Variants in RAD51D observed in about 807,000 individuals in gnomAD.
RAD51D encodes the protein RAD51 paralog D, also known as DNA repair protein RAD51 homolog 4.
A neutral mutation model predicts 44.1 loss-of-function variants in RAD51D; 38 were observed. That is an observed-to-expected ratio of 0.86 (90% confidence interval 0.67 to 1.13). The LOEUF (loss-of-function observed/expected upper bound fraction) is 1.13. RAD51D is among the 50% of genes most tolerant of loss of function. The pLI is 0.00. For missense variants in RAD51D, 390 were observed against 414.0 expected (o/e 0.94, Z 0.50); for synonymous variants, 141 against 166.6 (o/e 0.85, Z 1.18).
chr17:35,100,016 G>A lies in RAD51D; in HGVS notation c.*937C>T, dbSNP rs143673500. The A allele has an allele frequency of 1.2e-3, 623 of 530,950 alleles. No homozygotes were observed. The highest frequency in any genetic ancestry group is 2.1e-3 in the Non-Finnish European group (564 of 274,206). 32.9% of individuals were successfully genotyped at this position (530,950 alleles called of 1,614,324 possible). A position where few individuals can be genotyped will look rare whatever the true frequency, so the allele number is the denominator to read the frequency against. On this transcript the variant is annotated 3_prime_UTR_variant, in exon 10 of 10. Coordinates refer to ENST00000345365, the MANE Select transcript of RAD51D (RefSeq NM_002878.4). ...CTGCATAAAGGACTAGATTTGCCAT[G>A]TATTATTTACGTCAGCATCAATTTT... is the stretch of plus-strand genomic sequence containing the variant.
At chr17:35,106,633 C>T (rs1356274189) in intron 5 of RAD51D, 152 bp from the exon 6 acceptor site, 2 of 712,908 alleles carry the variant, frequency 2.8e-6, no homozygotes, top group African/African-American at 3.5e-5. Flanking sequence ...ACAGTGGTGG[C>T]TGCCTGGGTG....
chr17:35,113,996 G>T (rs2091707454), intron 3 of RAD51D, among the ~76,000 whole-genome samples: 1 of 152,144 alleles, frequency 6.6e-6, no homozygotes, highest in Admixed American at 6.5e-5. Context: ...GAGTTGGCTG[G>T]ACGCAGTGGC....
At chr17:35,104,542 C>T (rs4796032) in intron 6 of RAD51D, among the ~76,000 whole-genome samples, 151,164 of 152,356 alleles carry the variant, frequency 0.99, 74,996 homozygotes, top group Middle Eastern at 1. Context: ...GTGCACACTA[C>T]GGGTGCTAAT....
At chr17:35,116,959 C>G in intron 3 of RAD51D, 1 of 1,613,848 alleles carries the variant, frequency 6.2e-7, no homozygotes, top group East Asian at 2.2e-5. Flanking sequence ...GCATTCCTGA[C>G]CCCACTCCAC....
chr17:35,102,752 A>C (rs1249846679), intron 8 of RAD51D, among the ~76,000 whole-genome samples: 1 of 152,204 alleles, frequency 6.6e-6, no homozygotes, highest in Non-Finnish European at 1.5e-5. Flanking sequence ...ATTGATGACA[A>C]ATTTGAATCA....
At chr17:35,115,980 A>AGAAAGAAAGAAAGAAAGAAG (rs2091738628) in intron 3 of RAD51D, among the ~76,000 whole-genome samples, 1 of 150,844 alleles carries the variant, frequency 6.6e-6, no homozygotes, top group Non-Finnish European at 1.5e-5. Context: ...AAAGAAAGAA[A>AGAAAGAAAGAAAGAAAGAAG]GAAAGAAAGA....
chr17:35,106,482 C>A lies in RAD51D; in HGVS notation c.481-1G>T. On this transcript the variant is annotated splice_acceptor_variant, in intron 5 of 9. Coordinates refer to ENST00000345365, the MANE Select transcript of RAD51D (RefSeq NM_002878.4). LOFTEE classifies it high-confidence loss of function. ...CCTGGATCCTCCGGAGAGCTTCTGCCTGAAGCGGTGGAAAAGAAAAGCAAG... is the reference window on the plus strand; with the variant it reads ...CCTGGATCCTCCGGAGAGCTTCTGCATGAAGCGGTGGAAAAGAAAAGCAAG... The A allele has an allele frequency of 6.2e-7, 1 of 1,610,608 alleles. No individual in the cohort carries two copies. Among genetic ancestry groups the A allele is most frequent in the South Asian group, 1.1e-5 (1 of 90,412 alleles).
rs866616441 is a variant in RAD51D at position 35,093,783 on chromosome 17, T to A, written c.*7170A>T. The A allele has an allele frequency of 3.0e-4, 46 of 152,186 alleles. No homozygotes were observed. Among genetic ancestry groups the A allele is most frequent in the African/African-American group, 9.9e-4 (41 of 41,446 alleles). The allele number at this position is 152,186 out of a possible 1,614,324, so 9.4% of individuals were successfully genotyped here. ...GTGCAATAGGACAAGAAAAAAATGA[T>A]AGAAAGCATTCAGGATCACTTTGGA... On this transcript the variant is annotated 3_prime_UTR_variant, in exon 10 of 10. Transcript: ENST00000345365.
chr17:35,116,964 C>A, intron 3 of RAD51D: 1 of 1,613,958 alleles, frequency 6.2e-7, no homozygotes, highest in Non-Finnish European at 8.5e-7. Flanking sequence ...CCTGACCCCA[C>A]TCCACGATCT....
intron 3 of RAD51D, among the ~76,000 whole-genome samples, chr17:35,115,982 A>G (rs1209226465): frequency 6.6e-6 from 1 of 151,110 alleles, no homozygotes; most frequent in Non-Finnish European, 1.5e-5. Flanking sequence ...AGAAAGAAAG[A>G]AAGAAAGAAA....
chr17:35,115,929 A>AAGG (rs1231414188), intron 3 of RAD51D, among the ~76,000 whole-genome samples: 4 of 117,024 alleles, frequency 3.4e-5, no homozygotes, highest in African/African-American at 1.1e-4. Context: ...GGAAGGAAGG[A>AAGG]AGGAAGGAAG....
intron 8 of RAD51D, among the ~76,000 whole-genome samples, chr17:35,102,148 G>T (rs1380009044): frequency 6.6e-6 from 1 of 151,958 alleles, no homozygotes; most frequent in Non-Finnish European, 1.5e-5. Context: ...CATAGGAAAT[G>T]GACTCAGATG....
chr17:35,106,912 A>G, intron 5 of RAD51D, 76 bp downstream of exon 5: 1 of 1,609,856 alleles, frequency 6.2e-7, no homozygotes, highest in East Asian at 2.2e-5. Flanking sequence ...TATTCAACCC[A>G]AATTCTTACA....
At chr17:35,111,779 G>C (rs918883508) in intron 3 of RAD51D, among the ~76,000 whole-genome samples, 1 of 151,818 alleles carries the variant, frequency 6.6e-6, no homozygotes, top group Non-Finnish European at 1.5e-5. Context: ...TGGTCTTCCC[G>C]TAATTATTAG....
At chr17:35,117,108 G>T in intron 3 of RAD51D, 1 of 1,492,238 alleles carries the variant, frequency 6.7e-7, no homozygotes. Context: ...CCTTACCGTT[G>T]CCTCCCTCGG....
chr17:35,109,055 C>T (rs1321957082), intron 3 of RAD51D, among the ~76,000 whole-genome samples: 3 of 151,850 alleles, frequency 2.0e-5, no homozygotes, highest in East Asian at 1.9e-4. Flanking sequence ...TTAGTAGAGA[C>T]GGGGTTTTGC....
At chr17:35,106,899 G>T (rs1426666641) in intron 5 of RAD51D, 89 bp downstream of exon 5, 1 of 1,589,490 alleles carries the variant, frequency 6.3e-7, no homozygotes, top group South Asian at 1.1e-5. Context: ...GGCAAGGAAT[G>T]ACTATTCAAC....
In RAD51D at chr17:35,098,581, T is replaced by C. The variant is rs1360507450; in HGVS notation, c.*2372A>G. 1 of 152,142 alleles carries C rather than the reference T, an allele frequency of 6.6e-6. No individual in the cohort carries two copies. Among genetic ancestry groups the C allele is most frequent in the Admixed American group, 6.5e-5 (1 of 15,268 alleles). The allele number at this position is 152,142 out of a possible 1,614,324, so 9.4% of individuals were successfully genotyped here. On this transcript the variant is annotated 3_prime_UTR_variant, in exon 10 of 10. Transcript: ENST00000345365. ...CCACCATGCCTGGCTAATTTTTGTA[T>C]TTTTAGTACAGACGGGGTTTCACCA...
Position 35,109,731 on chromosome 17 carries a change from G to C in RAD51D, c.264-2284C>G, listed in dbSNP as rs956584432. Reference sequence around the variant, plus strand: ...TGCCCAGGATGGAGTGCAATGGCGTGATCTCGGCTCACCACAACCTCCACC... The same window carrying C: ...TGCCCAGGATGGAGTGCAATGGCGTCATCTCGGCTCACCACAACCTCCACC... On this transcript the variant is annotated intron_variant, in intron 3 of 9. Transcript: ENST00000345365. Among the ~76,000 whole-genome samples, 13 of 151,608 alleles carry C rather than the reference G, an allele frequency of 8.6e-5. No individual in the cohort carries two copies. The East Asian group carries it at 2.5e-3, about 29-fold the overall frequency.
Sources: gnomAD v4.1 joint callset for allele counts (sites outside exome capture counted in the v4.1 genomes callset) on GRCh38, gnomAD v4.1.1 for gene constraint, MANE v1.5 for transcripts, NCBI Gene and HGNC (gene_info 2026-07-23, HGNC 2026-07-21) for gene names.